RDX: variants seen among roughly 807,000 people sequenced by gnomAD.
RDX encodes deafness, autosomal recessive 24.
A neutral mutation model predicts 83.7 loss-of-function variants in RDX; 32 were observed. The ratio of observed to expected loss-of-function variants is 0.38; its 90% CI spans 0.29 to 0.51. The LOEUF is 0.51. RDX is among the 20% of genes least tolerant of loss of function. The pLI, the probability that RDX is intolerant of heterozygous loss-of-function variation, is 0.87. For synonymous variants in RDX, 229 were observed against 222.7 expected, an observed-to-expected ratio of 1.03 and a Z score of -0.25; for missense variants, 600 against 689.9, an observed-to-expected ratio of 0.87 and a Z score of 1.46.
chr11:110,238,049 T>C (rs573210598), intron 10 of RDX, among the ~76,000 whole-genome samples: 1 of 152,380 alleles, frequency 6.6e-6, no homozygotes, highest in East Asian at 1.9e-4. Flanking sequence ...TCTCTCCATC[T>C]GAAGTTTTGA....
intron 1 of RDX, among the ~76,000 whole-genome samples, chr11:110,295,449 C>T (rs952995120): frequency 3.3e-5 from 5 of 151,826 alleles, no homozygotes; most frequent in Non-Finnish European, 7.4e-5. Context: ...CACAAGAATG[C>T]CATCGAGTTC....
intron 14 of RDX, among the ~76,000 whole-genome samples, chr11:110,222,185 T>A (rs747150753): frequency 7.2e-5 from 11 of 152,226 alleles, no homozygotes; most frequent in Non-Finnish European, 1.2e-4. Context: ...GACAACATTT[T>A]CCTATCTGTA....
rs945130865 is a variant in RDX, at chr11:110,243,195, T to C, written c.1090+4508A>G. On this transcript the variant is annotated intron_variant, in intron 10 of 13. Coordinates refer to ENST00000645495, the MANE Select transcript of RDX (RefSeq NM_002906.4). The stretch of plus-strand genomic sequence containing the variant: ...ATGAGGGATGCTCAACCAGTAAGTA[T>C]AATGCAAATATTCCAAAATTTTAAA... Among the ~76,000 whole-genome samples the C allele has an allele frequency of 1.7e-4, 26 of 152,068 alleles. 1 individual carries two copies. The highest frequency in any genetic ancestry group is 4.4e-5 in the Non-Finnish European group (3 of 68,024).
At chr11:110,216,183 C>T (rs533130231) in intron 14 of RDX, among the ~76,000 whole-genome samples, 2 of 152,280 alleles carry the variant, frequency 1.3e-5, no homozygotes, top group African/African-American at 4.8e-5. Context: ...CATCACTCTC[C>T]TCCGGGGTCA....
intron 3 of RDX, among the ~76,000 whole-genome samples, chr11:110,269,746 T>C (rs1309170779): frequency 6.6e-6 from 1 of 152,018 alleles, no homozygotes; most frequent in Non-Finnish European, 1.5e-5. Context: ...CAATACTCAA[T>C]AATCTAGACC....
At chr11:110,220,878 T>TA (rs386374875) in intron 14 of RDX, among the ~76,000 whole-genome samples, 1,317 of 109,240 alleles carry the variant, frequency 0.012, 26 homozygotes, top group African/African-American at 0.031. Flanking sequence ...ACAGCCTCTG[T>TA]AAAAAAAAAA....
At chr11:110,176,104 G>C (rs1442654221) in intron 15 of RDX, among the ~76,000 whole-genome samples, 1 of 132,896 alleles carries the variant, frequency 7.5e-6, no homozygotes, top group African/African-American at 2.8e-5. Context: ...TTTTTTTTCT[G>C]AGGCAGAGTC....
intron 4 of RDX, 60 bp from the exon 5 acceptor site, chr11:110,264,294 A>T: frequency 1.7e-6 from 2 of 1,157,932 alleles, no homozygotes; most frequent in Non-Finnish European, 2.5e-6. Context: ...AATTAGACCT[A>T]GTCACATCAA....
intron 9 of RDX, among the ~76,000 whole-genome samples, chr11:110,249,727 T>C (rs151332213): frequency 6.6e-6 from 1 of 152,070 alleles, no homozygotes; most frequent in African/African-American, 2.4e-5. Context: ...AATAAAAAAT[T>C]AGCCGGGCAT....
intron 14 of RDX, among the ~76,000 whole-genome samples, chr11:110,205,635 G>T (rs1863576184): frequency 1.3e-5 from 2 of 151,800 alleles, no homozygotes; most frequent in South Asian, 2.1e-4. Flanking sequence ...AACATGAAAG[G>T]CCTTTAAAGA....
At chr11:110,265,338 T>C (rs1261607705) in intron 3 of RDX, among the ~76,000 whole-genome samples, 1 of 151,968 alleles carries the variant, frequency 6.6e-6, no homozygotes, top group Non-Finnish European at 1.5e-5. Flanking sequence ...GTGATCTGCC[T>C]GCCTCGGCCT....
intron 14 of RDX, among the ~76,000 whole-genome samples, chr11:110,223,075 G>C (rs972651988): frequency 3.9e-5 from 6 of 152,208 alleles, no homozygotes; most frequent in Middle Eastern, 3.4e-3. Context: ...TTTAGGCTGG[G>C]CACGGTGGCT....
chr11:110,219,685 A>G (rs1183244769), intron 14 of RDX, among the ~76,000 whole-genome samples: 1 of 152,202 alleles, frequency 6.6e-6, no homozygotes, highest in Non-Finnish European at 1.5e-5. Flanking sequence ...ATTAGCTGGA[A>G]GAAGGGACTT....
chr11:110,287,572 T>G (rs1343607497), intron 1 of RDX, among the ~76,000 whole-genome samples: 1 of 152,190 alleles, frequency 6.6e-6, no homozygotes, highest in African/African-American at 2.4e-5. Flanking sequence ...TAATGCACTT[T>G]TACCTAAATA....
intron 1 of RDX, among the ~76,000 whole-genome samples, chr11:110,291,904 G>C (rs1861258662): frequency 6.6e-6 from 1 of 152,134 alleles, no homozygotes; most frequent in Non-Finnish European, 1.5e-5. Context: ...GGCCGAGGCA[G>C]AAAGTCCAAG....
intron 15 of RDX, chr11:110,181,705 G>C (rs146268454): frequency 6.6e-6 from 1 of 152,482 alleles, no homozygotes; most frequent in Admixed American, 6.5e-5. Context: ...AGGCTGTACA[G>C]TCCGGAGCAT....
intron 14 of RDX, among the ~76,000 whole-genome samples, chr11:110,215,543 C>G (rs1333668826): frequency 6.6e-6 from 1 of 152,100 alleles, no homozygotes; most frequent in Non-Finnish European, 1.5e-5. Flanking sequence ...AGCCCACATG[C>G]AGTGGTTCAA....
chr11:110,192,747 C>T lies in RDX; in HGVS notation c.*31+6834G>A, dbSNP rs138334488. ...TCTCAAAAGAAGATACAAGCAACGA[C>T]AAACATATGAAAAAATGTTCCGCAT... is the stretch of plus-strand genomic sequence containing the variant. On this transcript the variant is annotated intron_variant, in intron 15 of 15. Transcript: ENST00000528498. 1.3e-4 allele frequency among the ~76,000 whole-genome samples: 19 copies of T among 151,950 alleles called. No homozygotes were observed. The East Asian group carries it at 3.5e-3, about 28-fold the overall frequency.
intron 1 of RDX, among the ~76,000 whole-genome samples, chr11:110,280,202 T>C (rs989693417): frequency 5.9e-5 from 9 of 152,138 alleles, no homozygotes; most frequent in African/African-American, 2.2e-4. Flanking sequence ...CAAAAGGAAA[T>C]TCTGATTAAT....
Sources: gnomAD v4.1 joint callset for allele counts (sites outside exome capture counted in the v4.1 genomes callset) on GRCh38, gnomAD v4.1.1 for gene constraint, MANE v1.5 for transcripts, NCBI Gene and HGNC (gene_info 2026-07-23, HGNC 2026-07-21) for gene names.